The following KPNA5 variants were observed in gnomAD, a reference collection of about 807,000 sequenced individuals.
KPNA5 encodes the protein karyopherin subunit alpha 5.
In KPNA5, 46 loss-of-function variants were observed where a neutral mutation model predicts 71.3. The ratio of observed to expected loss-of-function variants is 0.65; its 90% CI spans 0.51 to 0.83. The LOEUF (loss-of-function observed/expected upper bound fraction) is 0.83. Ranked by LOEUF, KPNA5 falls within the 40% of genes least tolerant of loss-of-function variation. The pLI, the probability that KPNA5 is intolerant of heterozygous loss-of-function variation, is 0.00. For missense variants in KPNA5, 547 were observed against 628.3 expected (o/e 0.87, Z 1.38); for synonymous variants, 207 against 201.4 (o/e 1.03, Z -0.24).
At chr6:116,708,590 A>G (rs1778534893) in intron 7 of KPNA5, among the ~76,000 whole-genome samples, 1 of 152,204 alleles carries the variant, frequency 6.6e-6, no homozygotes, top group African/African-American at 2.4e-5. Context: ...CTTTTAATTA[A>G]TTAAGGTCTT....
At chr6:116,689,886 C>T (rs1049663842) in intron 2 of KPNA5, among the ~76,000 whole-genome samples, 1 of 152,190 alleles carries the variant, frequency 6.6e-6, no homozygotes, top group African/African-American at 2.4e-5. Flanking sequence ...AGCTGGATCT[C>T]TGTTTATACT....
chr6:116,722,066 C>T, intron 8 of KPNA5, 60 bp from the exon 9 acceptor site: 1 of 1,286,674 alleles, frequency 7.8e-7, no homozygotes, highest in East Asian at 2.5e-5. Flanking sequence ...CTATATTTTT[C>T]TAAGGAAACT....
intron 8 of KPNA5, among the ~76,000 whole-genome samples, chr6:116,719,850 C>G (rs1408381193): frequency 1.4e-5 from 2 of 142,436 alleles, no homozygotes; most frequent in Non-Finnish European, 3.0e-5. Context: ...GACCCTGTCT[C>G]AAAAATAAAA....
At chr6:116,730,924 C>G (rs192609471) in intron 13 of KPNA5, among the ~76,000 whole-genome samples, 9 of 150,232 alleles carry the variant, frequency 6.0e-5, no homozygotes, top group Non-Finnish European at 1.3e-4. Flanking sequence ...ACTTTTTCCT[C>G]GGTCTATTTT....
At chr6:116,710,424 A>G (rs1381368441) in intron 7 of KPNA5, among the ~76,000 whole-genome samples, 1 of 152,078 alleles carries the variant, frequency 6.6e-6, no homozygotes, top group Non-Finnish European at 1.5e-5. Flanking sequence ...CATAGTAGAT[A>G]TGTTTATTTA....
intron 5 of KPNA5, 34 bp downstream of exon 5, chr6:116,698,832 T>A: frequency 8.0e-7 from 1 of 1,256,148 alleles, no homozygotes; most frequent in Non-Finnish European, 1.1e-6. Flanking sequence ...AATTTTTCTC[T>A]AGAAATGACA....
intron 8 of KPNA5, among the ~76,000 whole-genome samples, chr6:116,719,035 C>T (rs140904340): frequency 2.0e-4 from 31 of 152,334 alleles, no homozygotes; most frequent in African/African-American, 7.0e-4. Flanking sequence ...CTGTCCATCT[C>T]AGCCTCCCAA....
In KPNA5 at chr6:116,681,356, C is replaced by T. The variant is rs1403157384; in HGVS notation, c.4+18C>T. ...ATTAATGGGTAAGTTGGAGTGAACA[C>T]GGGCTAGGTTGGGGGAGCCTCGGTT... On this transcript the variant is annotated intron_variant, in intron 1 of 13. Coordinates refer to ENST00000368564, the MANE Select transcript of KPNA5 (RefSeq NM_001366306.2). The T allele has an allele frequency of 1.3e-6, 2 of 1,588,646 alleles. No homozygotes were observed. Among genetic ancestry groups the T allele is most frequent in the Non-Finnish European group, 1.7e-6 (2 of 1,165,984 alleles).
intron 6 of KPNA5, among the ~76,000 whole-genome samples, chr6:116,704,857 G>A (rs559907693): frequency 1.2e-4 from 18 of 152,258 alleles, no homozygotes; most frequent in African/African-American, 3.8e-4. Context: ...GATTACACGC[G>A]TGAGCCACCT....
intron 5 of KPNA5, among the ~76,000 whole-genome samples, chr6:116,700,496 T>A (rs577855331): frequency 1.3e-5 from 2 of 152,098 alleles, no homozygotes; most frequent in African/African-American, 2.4e-5. Flanking sequence ...ACACACACAC[T>A]GAGAAGTTGA....
chr6:116,704,041 ATT>A (rs904932447), intron 6 of KPNA5, among the ~76,000 whole-genome samples: 1 of 144,852 alleles, frequency 6.9e-6, no homozygotes. Flanking sequence ...GCTGTAGGCA[ATT>A]TTTTTTTTTT....
intron 12 of KPNA5, among the ~76,000 whole-genome samples, chr6:116,727,425 A>T (rs1779330516): frequency 6.6e-6 from 1 of 152,120 alleles, no homozygotes; most frequent in South Asian, 2.1e-4. Context: ...ATGCAAATTT[A>T]AAAACACAAT....
At chr6:116,728,899 A>G (rs187218009) in intron 12 of KPNA5, among the ~76,000 whole-genome samples, 9 of 152,196 alleles carry the variant, frequency 5.9e-5, no homozygotes, top group Admixed American at 5.2e-4. Flanking sequence ...CAGTTACTTC[A>G]TTTACATTAT....
At chr6:116,689,775 T>C (rs1176502236) in intron 2 of KPNA5, among the ~76,000 whole-genome samples, 1 of 152,220 alleles carries the variant, frequency 6.6e-6, no homozygotes, top group East Asian at 1.9e-4. Context: ...GAAACATTAA[T>C]TATATATTAT....
At chr6:116,709,691 T>C (rs1382750829) in intron 7 of KPNA5, among the ~76,000 whole-genome samples, 1 of 152,128 alleles carries the variant, frequency 6.6e-6, no homozygotes, top group East Asian at 1.9e-4. Flanking sequence ...AAAAACTAAC[T>C]CTTTCACCAT....
intron 1 of KPNA5, chr6:116,681,588 G>T: frequency 8.3e-7 from 1 of 1,200,506 alleles, no homozygotes. Context: ...CCTCTGGAGT[G>T]ATGGGCAGCT....
chr6:116,689,436 CAA>C lies in KPNA5; in HGVS notation c.126_127del (p.Glu44ArgfsTer15), dbSNP rs1315934244. ...REEEGIQLRK[Q>X]KREEQLFKRR... is the part of the protein sequence containing the mutation. The stretch of plus-strand genomic sequence containing the variant: ...AGAAGAAGGAATACAGCTTAGAAAA[CAA>C]AAAAGAGAAGAACAGGTAGGTGTTT... On this transcript the variant is annotated frameshift_variant, in exon 2 of 14. Transcript: ENST00000368564. LOFTEE classifies it high-confidence loss of function. 2 of 1,575,664 alleles carry C rather than the reference CAA, an allele frequency of 1.3e-6. No individual in the cohort carries two copies. Among genetic ancestry groups the C allele is most frequent in the Admixed American group, 4.0e-5 (2 of 50,406 alleles).
Position 116,735,241 on chromosome 6 carries a change from AT to A in KPNA5, c.*2921del, listed in dbSNP as rs1168339035. On this transcript the variant is annotated 3_prime_UTR_variant, in exon 14 of 14. Transcript: ENST00000368564. ...AAAACCTATTTGCAGTTAAAGGTTG[AT>A]TTATTGGATAAGGGACTAAAAGAAG... 6.6e-6 allele frequency: 1 copy of A among 151,770 alleles called. No homozygotes were observed. The highest frequency in any genetic ancestry group is 2.4e-5 in the African/African-American group (1 of 41,434). 9.4% of individuals were successfully genotyped at this position (151,770 alleles called of 1,614,324 possible). A position where few individuals can be genotyped will look rare whatever the true frequency, so the allele number is the denominator to read the frequency against.
chr6:116,688,873 C>T (rs929353845), intron 1 of KPNA5, among the ~76,000 whole-genome samples: 1 of 152,028 alleles, frequency 6.6e-6, no homozygotes, highest in African/African-American at 2.4e-5. Context: ...TTACTGGAGC[C>T]TAATATCATA....
Sources: allele counts gnomAD v4.1 joint callset (sites outside exome capture counted in the v4.1 genomes callset), GRCh38; gene constraint gnomAD v4.1.1; transcripts MANE v1.5; gene names NCBI Gene and HGNC (gene_info 2026-07-23, HGNC 2026-07-21).